VPS35L: variants seen among roughly 807,000 people sequenced by gnomAD.
VPS35L encodes VPS35 endosomal protein-sorting factor-like.
Under a neutral mutation model 133.0 loss-of-function variants are expected in VPS35L, and 83 were observed. That is an observed-to-expected ratio of 0.62 (90% CI 0.52 to 0.75). VPS35L has a LOEUF of 0.75. Among genes scored for constraint, VPS35L ranks in the 30% least tolerant of loss-of-function variants. The pLI is 0.00. For synonymous variants in VPS35L, 423 were observed against 449.9 expected (o/e 0.94, Z 0.76); for missense variants, 1,083 against 1,206.8 (o/e 0.90, Z 1.52).
At chr16:19,669,081 C>T (rs1974788558) in intron 26 of VPS35L, 79 bp from the exon 27 acceptor site, 2 of 1,470,750 alleles carry the variant, frequency 1.4e-6, no homozygotes, top group African/African-American at 1.4e-5. Context: ...TCAGGACTGG[C>T]CTTCAGGCCA....
chr16:19,655,760 G>A (rs1485739080), intron 26 of VPS35L, among the ~76,000 whole-genome samples: 1 of 152,212 alleles, frequency 6.6e-6, no homozygotes, highest in African/African-American at 2.4e-5. Context: ...TTGCAAGCTA[G>A]AGATTTGGTC....
intron 14 of VPS35L, among the ~76,000 whole-genome samples, chr16:19,623,644 G>A (rs1222460122): frequency 6.6e-6 from 1 of 152,034 alleles, no homozygotes; most frequent in East Asian, 1.9e-4. Context: ...ACATGACAGA[G>A]AGGGGTGCCA....
At chr16:19,677,831 C>G (rs1052765714) in intron 27 of VPS35L, among the ~76,000 whole-genome samples, 1 of 152,216 alleles carries the variant, frequency 6.6e-6, no homozygotes, top group Non-Finnish European at 1.5e-5. Flanking sequence ...GAAGAACATA[C>G]GAGCTCACCT....
intron 7 of VPS35L, among the ~76,000 whole-genome samples, chr16:19,587,797 C>CTTTT (rs775544331): frequency 2.5e-5 from 3 of 118,962 alleles, no homozygotes; most frequent in African/African-American, 3.6e-5. Flanking sequence ...TCCACATTGT[C>CTTTT]TTTTTTTTTT....
intron 27 of VPS35L, among the ~76,000 whole-genome samples, chr16:19,676,648 G>T (rs528654512): frequency 6.6e-6 from 1 of 152,252 alleles, no homozygotes; most frequent in East Asian, 1.9e-4. Context: ...CCAGCAGGGA[G>T]ATGTCTTTTC....
At chr16:19,616,576 T>C in intron 13 of VPS35L, 110 bp from the exon 14 acceptor site, 2 of 1,367,578 alleles carry the variant, frequency 1.5e-6, no homozygotes. Context: ...GCTATTTCTC[T>C]CAGGGCTGTC....
intron 23 of VPS35L, among the ~76,000 whole-genome samples, chr16:19,646,804 A>G (rs1320473847): frequency 2.0e-5 from 3 of 152,162 alleles, no homozygotes; most frequent in Non-Finnish European, 4.4e-5. Flanking sequence ...TAGTCCACAG[A>G]GACATTGCAG....
chr16:19,607,924 C>T (rs1431183106), intron 9 of VPS35L: 6 of 406,556 alleles, frequency 1.5e-5, no homozygotes, highest in African/African-American at 4.0e-5. Context: ...AATAAAACTA[C>T]GTACCTCAGA....
chr16:19,692,922 C>A (rs1442451233), intron 29 of VPS35L, among the ~76,000 whole-genome samples: 1 of 152,208 alleles, frequency 6.6e-6, no homozygotes, highest in African/African-American at 2.4e-5. Context: ...AGGATTTTTT[C>A]TGGCCTCCAA....
intron 23 of VPS35L, among the ~76,000 whole-genome samples, chr16:19,645,296 T>C (rs192839523): frequency 0.014 from 2,131 of 149,492 alleles, 76 homozygotes; most frequent in African/African-American, 0.05. Flanking sequence ...TTTTCTTTTT[T>C]TTTTTTTTTT....
At chr16:19,644,759 C>T (rs1407737209) in intron 22 of VPS35L, 127 bp from the exon 23 acceptor site, 1 of 515,088 alleles carries the variant, frequency 1.9e-6, no homozygotes, top group East Asian at 3.0e-5. Context: ...AGCCTGTTGG[C>T]AGTTTTTTAA....
In VPS35L at chr16:19,632,997, A is replaced by G. The variant is rs567499706; in HGVS notation, c.1555-95A>G. On this transcript the variant is annotated intron_variant, in intron 18 of 30. Coordinates refer to ENST00000417362, the MANE Select transcript of VPS35L (RefSeq NM_020314.7). Reference sequence around the variant, plus strand: ...AAATTGATTTCCTGGAAGGTGTGTGATATATTCTGAATACGTTAGTCCTTT... The same window carrying G: ...AAATTGATTTCCTGGAAGGTGTGTGGTATATTCTGAATACGTTAGTCCTTT... 115 of 875,760 alleles carry G rather than the reference A, an allele frequency of 1.3e-4. No individual in the cohort carries two copies. The East Asian group carries it at 2.6e-3, about 20-fold the overall frequency. The allele number at this position is 875,760 out of a possible 1,614,324, so 54.2% of individuals were successfully genotyped here.
chr16:19,601,154 C>T (rs1378794938), intron 8 of VPS35L, among the ~76,000 whole-genome samples: 1 of 152,216 alleles, frequency 6.6e-6, no homozygotes, highest in Non-Finnish European at 1.5e-5. Flanking sequence ...CTCTTGAACT[C>T]CTGGGCTCAA....
chr16:19,594,644 C>CAAAAAAAAAAAAAAAAAAAAAAAAA (rs57187565), intron 8 of VPS35L, among the ~76,000 whole-genome samples: 1 of 31,500 alleles, frequency 3.2e-5, no homozygotes, highest in Non-Finnish European at 6.3e-5. Context: ...GATTTCGTCT[C>CAAAAAAAAAAAAAAAAAAAAAAAAA]AAAAAAAAAA....
At chr16:19,605,216 C>T (rs561363400) in intron 9 of VPS35L, among the ~76,000 whole-genome samples, 1 of 152,192 alleles carries the variant, frequency 6.6e-6, no homozygotes, top group East Asian at 1.9e-4. Flanking sequence ...GGTCTCCTGC[C>T]TTCTCTTAAA....
At chr16:19,613,556 G>A (rs996065820) in intron 12 of VPS35L, among the ~76,000 whole-genome samples, 4 of 152,070 alleles carry the variant, frequency 2.6e-5, no homozygotes, top group African/African-American at 9.7e-5. Flanking sequence ...TTTATATGAT[G>A]GCCCATAGCG....
intron 1 of VPS35L, among the ~76,000 whole-genome samples, chr16:19,557,378 G>A (rs769378837): frequency 2.6e-5 from 4 of 152,068 alleles, no homozygotes; most frequent in African/African-American, 4.8e-5. Context: ...TAATATGGCC[G>A]TGCTCTAAAT....
At chr16:19,602,664 A>G (rs1972421810) in intron 9 of VPS35L, among the ~76,000 whole-genome samples, 2 of 152,008 alleles carry the variant, frequency 1.3e-5, no homozygotes, top group Admixed American at 1.3e-4. Flanking sequence ...GGGCAGTGGC[A>G]CAATCTTGGC....
In VPS35L at chr16:19,587,056, G is replaced by A. The variant is rs564478629; in HGVS notation, c.640-4734G>A. On this transcript the variant is annotated intron_variant, in intron 7 of 30. Transcript: ENST00000417362. ...TTAAAATCGTGGCAGAAGGCAAAGGGGAAGCAGGTACATCTTTCCATAGCA... is the reference window on the plus strand; with the variant it reads ...TTAAAATCGTGGCAGAAGGCAAAGGAGAAGCAGGTACATCTTTCCATAGCA... Among the ~76,000 whole-genome samples, 13 of 152,216 alleles carry A rather than the reference G, an allele frequency of 8.5e-5. No individual in the cohort carries two copies. The South Asian group carries it at 1.7e-3, about 19-fold the overall frequency.
Sources: allele counts gnomAD v4.1 joint callset (sites outside exome capture counted in the v4.1 genomes callset), GRCh38; gene constraint gnomAD v4.1.1; transcripts MANE v1.5; gene names NCBI Gene and HGNC (gene_info 2026-07-23, HGNC 2026-07-21).